MAF: variants seen among roughly 807,000 people sequenced by gnomAD.
MAF encodes the protein MAF bZIP transcription factor, also known as transcription factor Maf.
In MAF, 10 loss-of-function variants were observed where a neutral mutation model predicts 22.0. The ratio of observed to expected loss-of-function variants is 0.45; its 90% CI spans 0.28 to 0.77. The LOEUF (loss-of-function observed/expected upper bound fraction) is 0.77. Among genes scored for constraint, MAF ranks in the 30% least tolerant of loss-of-function variants. The pLI is 0.12. For synonymous variants in MAF, 337 were observed against 255.8 expected, an observed-to-expected ratio of 1.32 and a Z score of -3.03; for missense variants, 544 against 548.4, an observed-to-expected ratio of 0.99 and a Z score of 0.08.
the MAF span, among the ~76,000 whole-genome samples, chr16:79,269,424 CTCTT>C: frequency 2.6e-5 from 4 of 152,100 alleles, no homozygotes; most frequent in Non-Finnish European, 5.9e-5. Context: ...GATTTTACAC[CTCTT>C]TCTTTCTCTC....
chr16:79,566,802 C>T, the MAF span, among the ~76,000 whole-genome samples: 1 of 152,110 alleles, frequency 6.6e-6, no homozygotes, highest in Non-Finnish European at 1.5e-5. Flanking sequence ...GGACTCTCAC[C>T]CGGAGGGAAA....
chr16:79,467,041 G>A, the MAF span, among the ~76,000 whole-genome samples: 1 of 152,164 alleles, frequency 6.6e-6, no homozygotes, highest in East Asian at 1.9e-4. Context: ...GCTGAAACTG[G>A]AAAGATCTTT....
the MAF span, among the ~76,000 whole-genome samples, chr16:79,246,557 TG>T: frequency 8.0e-6 from 1 of 125,354 alleles, no homozygotes; most frequent in Non-Finnish European, 1.8e-5. Flanking sequence ...GGTGTGGGGG[TG>T]TATTTAAATA....
At chr16:79,528,657 A>AG in the MAF span, among the ~76,000 whole-genome samples, 8 of 146,504 alleles carry the variant, frequency 5.5e-5, no homozygotes, top group African/African-American at 2.0e-4. Flanking sequence ...ATTCGAAGGG[A>AG]GAAAAAAAAA....
At chr16:79,577,831 A>T in the MAF span, among the ~76,000 whole-genome samples, 1 of 152,196 alleles carries the variant, frequency 6.6e-6, no homozygotes, top group Admixed American at 6.5e-5. Context: ...AAATGTTCTG[A>T]ATCTTGACTG....
the MAF span, among the ~76,000 whole-genome samples, chr16:79,234,917 C>G: frequency 6.6e-6 from 1 of 151,972 alleles, no homozygotes; most frequent in Non-Finnish European, 1.5e-5. Flanking sequence ...CTGGACGCAC[C>G]CTTCTTTACA....
the MAF span, among the ~76,000 whole-genome samples, chr16:79,246,113 G>T: frequency 6.6e-6 from 1 of 152,168 alleles, no homozygotes; most frequent in African/African-American, 2.4e-5. Flanking sequence ...TGTAGATGAC[G>T]GGTTGATGGG....
the MAF span, among the ~76,000 whole-genome samples, chr16:79,333,553 T>C: frequency 1.3e-5 from 2 of 152,252 alleles, no homozygotes; most frequent in Admixed American, 6.5e-5. Context: ...TCCATGATTT[T>C]GCTAGGTGGA....
At chr16:79,564,176 G>C in the MAF span, among the ~76,000 whole-genome samples, 1 of 152,188 alleles carries the variant, frequency 6.6e-6, no homozygotes, top group Admixed American at 6.5e-5. Context: ...GCAAAGTCCT[G>C]GCAGGGCAGC....
the MAF span, among the ~76,000 whole-genome samples, chr16:79,292,299 G>C: frequency 6.6e-6 from 1 of 152,170 alleles, no homozygotes; most frequent in Non-Finnish European, 1.5e-5. Flanking sequence ...ACAGGGAAAA[G>C]GCCATGTAAT....
intron 1 of MAF, chr16:79,594,929 C>G (rs1913424357): frequency 1.8e-6 from 2 of 1,135,916 alleles, no homozygotes; most frequent in Admixed American, 8.9e-5. Flanking sequence ...TATCAAAATG[C>G]TTAATTCTAC....
At chr16:79,334,850 T>C in the MAF span, among the ~76,000 whole-genome samples, 15 of 95,684 alleles carry the variant, frequency 1.6e-4, no homozygotes, top group African/African-American at 4.9e-4. Flanking sequence ...TGTGTGTGTG[T>C]GTGTGTGTGT....
chr16:79,323,329 A>G, the MAF span, among the ~76,000 whole-genome samples: 1 of 151,858 alleles, frequency 6.6e-6, no homozygotes, highest in African/African-American at 2.4e-5. Flanking sequence ...GGGAGAAAAG[A>G]GGACCGTGGT....
chr16:79,588,195 G>C (rs1912972396), intron 1 of MAF, among the ~76,000 whole-genome samples: 1 of 152,148 alleles, frequency 6.6e-6, no homozygotes, highest in Non-Finnish European at 1.5e-5. Flanking sequence ...AATTTACATG[G>C]GGATCGCAAC....
At chr16:79,486,977 G>A in the MAF span, among the ~76,000 whole-genome samples, 7 of 152,156 alleles carry the variant, frequency 4.6e-5, no homozygotes, top group Non-Finnish European at 7.3e-5. Context: ...CTGCTGCCCA[G>A]ATTTTGTACA....
the MAF span, among the ~76,000 whole-genome samples, chr16:79,567,362 C>A: frequency 2.6e-5 from 4 of 152,182 alleles, no homozygotes; most frequent in South Asian, 4.2e-4. Context: ...GTCACTCATT[C>A]AATCTGAGTT....
chr16:79,207,210 T>A, the MAF span, among the ~76,000 whole-genome samples: 7 of 152,388 alleles, frequency 4.6e-5, no homozygotes, highest in South Asian at 1.4e-3. Flanking sequence ...ATTCTGTTCC[T>A]AGTGGTGTAT....
chr16:79,230,581 C>T, the MAF span, among the ~76,000 whole-genome samples: 2 of 152,158 alleles, frequency 1.3e-5, no homozygotes, highest in South Asian at 4.1e-4. Context: ...GAGCAACCTT[C>T]AGCACAACAC....
At chr16:79,239,066 G>A in the MAF span, among the ~76,000 whole-genome samples, 1 of 152,026 alleles carries the variant, frequency 6.6e-6, no homozygotes, top group Non-Finnish European at 1.5e-5. Context: ...CACTCCCACT[G>A]TTGTAGTTTG....
Sources: gnomAD v4.1 joint callset for allele counts (sites outside exome capture counted in the v4.1 genomes callset) on GRCh38, gnomAD v4.1.1 for gene constraint, MANE v1.5 for transcripts, NCBI Gene and HGNC (gene_info 2026-07-23, HGNC 2026-07-21) for gene names.